Variants in UNC5D observed in about 807,000 individuals in gnomAD.
UNC5D encodes unc-5 netrin receptor D.
UNC5D carries 39 observed loss-of-function variants against 105.4 expected under a neutral mutation model. The ratio of observed to expected loss-of-function variants is 0.37; its 90% CI spans 0.29 to 0.48. The LOEUF (loss-of-function observed/expected upper bound fraction) is 0.48, where lower values mean the gene tolerates loss of function less well. UNC5D is among the 20% of genes least tolerant of loss of function. The probability of loss-of-function intolerance (pLI) is 0.98; values close to 1 mark genes in which losing one functional copy is unlikely to be tolerated. For synonymous variants in UNC5D, 452 were observed against 450.4 expected, an observed-to-expected ratio of 1.00 and a Z score of -0.04; for missense variants, 991 against 1,202.4, an observed-to-expected ratio of 0.82 and a Z score of 2.60.
intron 1 of UNC5D, among the ~76,000 whole-genome samples, chr8:35,457,255 T>C (rs1808558048): frequency 6.6e-6 from 1 of 152,190 alleles, no homozygotes; most frequent in Non-Finnish European, 1.5e-5. Flanking sequence ...TCAAACATAA[T>C]TGGAAAGATT....
chr8:35,284,593 C>T (rs1430804040), intron 1 of UNC5D, among the ~76,000 whole-genome samples: 1 of 152,110 alleles, frequency 6.6e-6, no homozygotes, highest in Non-Finnish European at 1.5e-5. Flanking sequence ...CTCACTCTGT[C>T]GCCCAGGCTG....
intron 11 of UNC5D, among the ~76,000 whole-genome samples, chr8:35,747,641 C>T (rs1366649162): frequency 6.6e-6 from 1 of 152,134 alleles, no homozygotes; most frequent in Non-Finnish European, 1.5e-5. Flanking sequence ...AATAAGCAGA[C>T]ATCTGGGTTC....
At chr8:35,266,661 C>T (rs1315851137) in intron 1 of UNC5D, among the ~76,000 whole-genome samples, 1 of 152,188 alleles carries the variant, frequency 6.6e-6, no homozygotes, top group Non-Finnish European at 1.5e-5. Context: ...CTTGTCTCCG[C>T]TCCATGAACT....
intron 1 of UNC5D, among the ~76,000 whole-genome samples, chr8:35,423,784 A>T (rs561083851): frequency 6.6e-6 from 1 of 152,266 alleles, no homozygotes; most frequent in Non-Finnish European, 1.5e-5. Context: ...AAAAAGTTTG[A>T]AATGAAGCTG....
intron 4 of UNC5D, among the ~76,000 whole-genome samples, chr8:35,664,330 T>C (rs1824294482): frequency 1.3e-5 from 2 of 152,150 alleles, no homozygotes. Context: ...TTTGTTTTAA[T>C]TGGGTTGAGT....
chr8:35,478,919 G>A (rs1182835363), intron 1 of UNC5D, among the ~76,000 whole-genome samples: 1 of 152,154 alleles, frequency 6.6e-6, no homozygotes, highest in East Asian at 1.9e-4. Flanking sequence ...AGGCATTGTA[G>A]AAGAGGGTTT....
intron 2 of UNC5D, among the ~76,000 whole-genome samples, chr8:35,549,735 A>C (rs969800725): frequency 6.6e-6 from 1 of 152,184 alleles, no homozygotes; most frequent in Non-Finnish European, 1.5e-5. Context: ...CTTGCTGTAG[A>C]TAACTTTAAA....
At chr8:35,456,111 T>G (rs980003768) in intron 1 of UNC5D, among the ~76,000 whole-genome samples, 5 of 152,196 alleles carry the variant, frequency 3.3e-5, no homozygotes, top group African/African-American at 1.2e-4. Flanking sequence ...GAGAATCCAT[T>G]TATTAAAAGA....
At chr8:35,312,214 C>T (rs530232647) in intron 1 of UNC5D, among the ~76,000 whole-genome samples, 1 of 152,278 alleles carries the variant, frequency 6.6e-6, no homozygotes, top group South Asian at 2.1e-4. Flanking sequence ...GTGGCAAGAT[C>T]CGACATAGCT....
At chr8:35,600,243 A>C (rs1386009012) in intron 4 of UNC5D, among the ~76,000 whole-genome samples, 1 of 152,228 alleles carries the variant, frequency 6.6e-6, no homozygotes, top group East Asian at 1.9e-4. Context: ...TGCTATTGTG[A>C]ATAGTGCCAC....
intron 1 of UNC5D, among the ~76,000 whole-genome samples, chr8:35,506,763 A>G (rs1812329531): frequency 6.6e-6 from 1 of 152,206 alleles, no homozygotes; most frequent in African/African-American, 2.4e-5. Context: ...TCAGAACAGG[A>G]CAGCTGTGTC....
Position 35,776,958 on chromosome 8 carries a change from A to G in UNC5D, c.2657+2481A>G, listed in dbSNP as rs141591633. On this transcript the variant is annotated intron_variant, in intron 16 of 16. Coordinates refer to ENST00000404895, the MANE Select transcript of UNC5D (RefSeq NM_080872.4). ...CACTTAGGGAGAACCCTGTATCTAC[A>G]AAGAATTAACAAATTAGCCGGGTGC... Among the ~76,000 whole-genome samples the G allele has an allele frequency of 5.2e-3, 791 of 152,216 alleles. 8 individuals are homozygous for G. The highest frequency in any genetic ancestry group is 0.017 in the African/African-American group (706 of 41,560).
rs745396065 is a variant in UNC5D, at chr8:35,726,111, C to A, written c.1304-41C>A. 3 of 1,575,562 alleles carry A rather than the reference C, an allele frequency of 1.9e-6. No individual in the cohort carries two copies. In the South Asian group the frequency reaches 3.5e-5, roughly 18 times the overall value. ...CAGAAGTACAGGAGTAACTGAGATGCCTTTTAGTTTCTGAGTGACAGATCA... is the reference window on the plus strand; with the variant it reads ...CAGAAGTACAGGAGTAACTGAGATGACTTTTAGTTTCTGAGTGACAGATCA... On this transcript the variant is annotated intron_variant, in intron 9 of 16. Transcript: ENST00000404895.
chr8:35,649,207 G>C (rs1823253931), intron 4 of UNC5D, among the ~76,000 whole-genome samples: 1 of 152,138 alleles, frequency 6.6e-6, no homozygotes, highest in South Asian at 2.1e-4. Flanking sequence ...CTATTATATG[G>C]ACTAGGCAAG....
At chr8:35,302,753 T>C (rs1808056321) in intron 1 of UNC5D, among the ~76,000 whole-genome samples, 1 of 152,170 alleles carries the variant, frequency 6.6e-6, no homozygotes, top group Non-Finnish European at 1.5e-5. Context: ...CATTTGGACT[T>C]TAAGGTATTA....
At chr8:35,694,730 G>T (rs1370118173) in intron 7 of UNC5D, among the ~76,000 whole-genome samples, 1 of 151,448 alleles carries the variant, frequency 6.6e-6, no homozygotes, top group Non-Finnish European at 1.5e-5. Flanking sequence ...GTTTTGTTTT[G>T]TTTGAGACAG....
At chr8:35,573,025 G>T (rs913733620) in intron 3 of UNC5D, among the ~76,000 whole-genome samples, 2 of 151,970 alleles carry the variant, frequency 1.3e-5, no homozygotes, top group Admixed American at 1.3e-4. Flanking sequence ...GGATGGTCTC[G>T]ATCTCCTGAC....
At chr8:35,551,401 C>A (rs187813500) in intron 2 of UNC5D, among the ~76,000 whole-genome samples, 1 of 152,026 alleles carries the variant, frequency 6.6e-6, no homozygotes, top group African/African-American at 2.4e-5. Flanking sequence ...TAGGAAAGAA[C>A]GAAGCCATGT....
intron 15 of UNC5D, 58 bp downstream of exon 15, chr8:35,767,124 A>G (rs1430711740): frequency 3.9e-6 from 6 of 1,527,340 alleles, no homozygotes; most frequent in Non-Finnish European, 5.3e-6. Flanking sequence ...TAAGAATAAT[A>G]AAGCTATACC....
Sources: gnomAD v4.1 joint callset for allele counts (sites outside exome capture counted in the v4.1 genomes callset) on GRCh38, gnomAD v4.1.1 for gene constraint, MANE v1.5 for transcripts, NCBI Gene and HGNC (gene_info 2026-07-23, HGNC 2026-07-21) for gene names.